Variants in GHR observed in about 807,000 individuals in gnomAD.
GHR encodes the protein growth hormone receptor.
A neutral mutation model predicts 67.1 loss-of-function variants in GHR; 35 were observed. The observed-to-expected ratio is 0.52, with a 90% confidence interval of 0.40 to 0.69. The LOEUF is 0.69. Ranked by LOEUF, GHR falls within the 30% of genes least tolerant of loss-of-function variation. GHR has a pLI of 0.00. For synonymous variants in GHR, 272 were observed against 269.1 expected (o/e 1.01, Z -0.10); for missense variants, 792 against 764.6 (o/e 1.04, Z -0.42).
At position 42,706,007 on chromosome 5, in the gene GHR, A is replaced by G. The variant is rs1758158230; in HGVS notation, c.619-5200A>G. Among the ~76,000 whole-genome samples, 4 of 152,174 alleles carry G rather than the reference A, an allele frequency of 2.6e-5. No individual in the cohort carries two copies. The South Asian group carries it at 8.3e-4, about 31-fold the overall frequency. ...AATGGCTGAACTAATTTGAATTATT[A>G]CCAGCAGGATATAAGTGTTCCCTTT... is the stretch of plus-strand genomic sequence containing the variant. On this transcript the variant is annotated intron_variant, in intron 6 of 9. Transcript: ENST00000230882.
At chr5:42,512,328 GT>G (rs2112269261) in intron 1 of GHR, among the ~76,000 whole-genome samples, 1 of 152,210 alleles carries the variant, frequency 6.6e-6, no homozygotes, top group Admixed American at 6.5e-5. Flanking sequence ...TTTCTGAGGT[GT>G]TCAGGGAATG....
At chr5:42,452,846 A>C (rs1744108978) in intron 1 of GHR, among the ~76,000 whole-genome samples, 1 of 152,070 alleles carries the variant, frequency 6.6e-6, no homozygotes, top group Admixed American at 6.6e-5. Flanking sequence ...TTTTTCTGGT[A>C]ACTCCTTGAG....
intron 1 of GHR, among the ~76,000 whole-genome samples, chr5:42,511,719 A>G (rs1747025438): frequency 6.6e-6 from 1 of 151,910 alleles, no homozygotes; most frequent in South Asian, 2.1e-4. Flanking sequence ...TGTGTGAAAG[A>G]GGAGAATGAC....
chr5:42,509,744 A>G (rs1201950878), intron 1 of GHR, among the ~76,000 whole-genome samples: 1 of 134,460 alleles, frequency 7.4e-6, no homozygotes, highest in Non-Finnish European at 1.6e-5. Flanking sequence ...TTTTTTTTTT[A>G]CACGTCTACC....
At chr5:42,492,780 G>C (rs1218002319) in intron 1 of GHR, among the ~76,000 whole-genome samples, 1 of 152,136 alleles carries the variant, frequency 6.6e-6, no homozygotes, top group Admixed American at 6.6e-5. Context: ...TTAAGAGAAA[G>C]CTTTACAAAT....
intron 3 of GHR, among the ~76,000 whole-genome samples, chr5:42,634,112 T>G (rs1257238192): frequency 6.6e-6 from 1 of 152,062 alleles, no homozygotes; most frequent in African/African-American, 2.4e-5. Flanking sequence ...TTCTCTAAAT[T>G]TTATGATCTC....
intron 2 of GHR, among the ~76,000 whole-genome samples, chr5:42,602,788 C>T (rs1422042229): frequency 6.6e-6 from 1 of 152,130 alleles, no homozygotes; most frequent in Non-Finnish European, 1.5e-5. Context: ...TTTACCTCTT[C>T]TCCCCCATTA....
chr5:42,443,861 T>C (rs560945396), intron 1 of GHR, among the ~76,000 whole-genome samples: 185 of 152,186 alleles, frequency 1.2e-3, no homozygotes, highest in African/African-American at 4.3e-3. Context: ...AAAATTTTAA[T>C]ATCATCTAAG....
chr5:42,562,423 C>T (rs1223318483), intron 1 of GHR, among the ~76,000 whole-genome samples: 1 of 152,158 alleles, frequency 6.6e-6, no homozygotes, highest in Admixed American at 6.5e-5. Flanking sequence ...CTGGCCCCTG[C>T]ACTTAGTTAG....
At chr5:42,590,713 A>G (rs896616425) in intron 2 of GHR, among the ~76,000 whole-genome samples, 1 of 152,220 alleles carries the variant, frequency 6.6e-6, no homozygotes, top group African/African-American at 2.4e-5. Flanking sequence ...GATCATCTTG[A>G]TATTAAGCAG....
At chr5:42,711,393 A>G (rs1221217473) in intron 7 of GHR, 21 bp downstream of exon 7, 14 of 1,565,610 alleles carry the variant, frequency 8.9e-6, no homozygotes, top group Non-Finnish European at 1.1e-5. Context: ...TAAAAGATTA[A>G]AATAGTAGCT....
intron 3 of GHR, among the ~76,000 whole-genome samples, chr5:42,649,134 A>G (rs1044177450): frequency 1.1e-4 from 17 of 152,200 alleles, no homozygotes; most frequent in Admixed American, 1.1e-3. Flanking sequence ...GATACTTACT[A>G]GCTGTGGGAT....
intron 1 of GHR, among the ~76,000 whole-genome samples, chr5:42,554,320 A>T (rs1248610596): frequency 1.3e-5 from 2 of 152,084 alleles, no homozygotes; most frequent in African/African-American, 4.8e-5. Flanking sequence ...ATAACTAGTA[A>T]CAGACAGAAG....
At chr5:42,426,992 C>T (rs979889059) in intron 1 of GHR, among the ~76,000 whole-genome samples, 1 of 152,172 alleles carries the variant, frequency 6.6e-6, no homozygotes, top group Non-Finnish European at 1.5e-5. Flanking sequence ...ACTGAATCAA[C>T]ATTTTCTTCC....
At chr5:42,631,293 T>C (rs970164767) in intron 3 of GHR, among the ~76,000 whole-genome samples, 1 of 152,218 alleles carries the variant, frequency 6.6e-6, no homozygotes, top group Non-Finnish European at 1.5e-5. Context: ...ATGTGGTAAG[T>C]CACATAGATA....
intron 1 of GHR, among the ~76,000 whole-genome samples, chr5:42,426,807 T>C (rs1742871107): frequency 6.6e-6 from 1 of 152,162 alleles, no homozygotes; most frequent in Non-Finnish European, 1.5e-5. Flanking sequence ...AAATAATATG[T>C]CCCATAAAAG....
intron 1 of GHR, among the ~76,000 whole-genome samples, chr5:42,473,893 A>G (rs1001768990): frequency 4.6e-5 from 7 of 151,688 alleles, no homozygotes; most frequent in African/African-American, 1.7e-4. Context: ...AAAAAAAAGA[A>G]AAGTGTCTGT....
chr5:42,509,184 C>A (rs1746906418), intron 1 of GHR, among the ~76,000 whole-genome samples: 1 of 152,208 alleles, frequency 6.6e-6, no homozygotes, highest in Non-Finnish European at 1.5e-5. Flanking sequence ...TGCTTTCCAT[C>A]TATACCCTGC....
intron 1 of GHR, among the ~76,000 whole-genome samples, chr5:42,438,429 CA>C (rs1743428329): frequency 1.3e-5 from 2 of 152,130 alleles, no homozygotes; most frequent in African/African-American, 4.8e-5. Flanking sequence ...GAATGTGGGC[CA>C]AACTCAGGTG....
Sources: gnomAD v4.1 joint callset for allele counts (sites outside exome capture counted in the v4.1 genomes callset) on GRCh38, gnomAD v4.1.1 for gene constraint, MANE v1.5 for transcripts, NCBI Gene and HGNC (gene_info 2026-07-23, HGNC 2026-07-21) for gene names.